The following WDR7 variants were observed in gnomAD, a reference collection of about 807,000 sequenced individuals.
WDR7 encodes WD repeat domain 7.
Under a neutral mutation model 169.4 loss-of-function variants are expected in WDR7, and 46 were observed. The observed-to-expected ratio is 0.27, with a 90% CI of 0.21 to 0.35. The LOEUF (loss-of-function observed/expected upper bound fraction) is 0.35. Among genes scored for constraint, WDR7 ranks in the 10% least tolerant of loss-of-function variants. WDR7 has a pLI of 1.00. For missense variants in WDR7, 1,534 were observed against 1,859.3 expected, an observed-to-expected ratio of 0.83 and a Z score of 3.22; for synonymous variants, 612 against 666.8, an observed-to-expected ratio of 0.92 and a Z score of 1.27.
chr18:56,939,069 C>T (rs1426576189), intron 24 of WDR7, among the ~76,000 whole-genome samples: 1 of 151,994 alleles, frequency 6.6e-6, no homozygotes, highest in Non-Finnish European at 1.5e-5. Flanking sequence ...TATGAATTGA[C>T]TTTAAACTAA....
At chr18:56,794,327 T>TTTTTTTTTTTTTTTA (rs1491121428) in intron 19 of WDR7, among the ~76,000 whole-genome samples, 2 of 118,020 alleles carry the variant, frequency 1.7e-5, no homozygotes, top group African/African-American at 6.3e-5. Context: ...TTTTTTTTTT[T>TTTTTTTTTTTTTTTA]GAGACAGAGT....
chr18:56,850,946 C>T (rs1354081636), intron 20 of WDR7, among the ~76,000 whole-genome samples: 1 of 152,156 alleles, frequency 6.6e-6, no homozygotes, highest in Non-Finnish European at 1.5e-5. Flanking sequence ...CTCACTGCTC[C>T]CAAATCTAGT....
chr18:56,823,311 C>T (rs2045134009), intron 20 of WDR7, among the ~76,000 whole-genome samples: 1 of 152,276 alleles, frequency 6.6e-6, no homozygotes, highest in Non-Finnish European at 1.5e-5. Context: ...AGTTCGGTGG[C>T]TAGTGCCTGT....
intron 21 of WDR7, among the ~76,000 whole-genome samples, chr18:56,916,701 A>G (rs2046631839): frequency 6.6e-6 from 1 of 152,198 alleles, no homozygotes; most frequent in African/African-American, 2.4e-5. Flanking sequence ...TAAAGGTGTG[A>G]GGCACCTCTG....
At chr18:56,983,568 CACAGAGAGAG>C (rs59555787) in intron 26 of WDR7, among the ~76,000 whole-genome samples, 74,132 of 145,200 alleles carry the variant, frequency 0.51, 18,938 homozygotes, top group Middle Eastern at 0.64. Flanking sequence ...CACACACACA[CACAGAGAGAG>C]AGAGAGAGAG....
At chr18:56,719,436 C>T (rs1396081163) in intron 13 of WDR7, among the ~76,000 whole-genome samples, 1 of 151,984 alleles carries the variant, frequency 6.6e-6, no homozygotes, top group Non-Finnish European at 1.5e-5. Context: ...TTGGCGGGCG[C>T]CTGTAGTCCC....
chr18:56,878,316 G>A (rs1304677650), intron 20 of WDR7, among the ~76,000 whole-genome samples: 1 of 152,122 alleles, frequency 6.6e-6, no homozygotes, highest in African/African-American at 2.4e-5. Flanking sequence ...TGCCATACTG[G>A]ATGAAATAAT....
chr18:56,836,113 T>C lies in WDR7; in HGVS notation c.3304+19969T>C, dbSNP rs147140952. Among the ~76,000 whole-genome samples the C allele has an allele frequency of 3.3e-5, 5 of 152,356 alleles. No homozygotes were observed. In the East Asian group the frequency reaches 9.6e-4, roughly 29 times the overall value. On this transcript the variant is annotated intron_variant, in intron 20 of 27. Transcript: ENST00000254442. ...TCATGTACAAAGTAGTCATGTAAACTATTTACAATGTTTTGTTGAGTGGTT... is the reference window on the plus strand; with the variant it reads ...TCATGTACAAAGTAGTCATGTAAACCATTTACAATGTTTTGTTGAGTGGTT...
intron 20 of WDR7, among the ~76,000 whole-genome samples, chr18:56,841,155 C>T (rs1219788840): frequency 3.3e-5 from 5 of 151,024 alleles, no homozygotes; most frequent in Admixed American, 6.6e-5. Flanking sequence ...ATCGCACCAC[C>T]GCACTCCAGC....
intron 14 of WDR7, among the ~76,000 whole-genome samples, chr18:56,746,297 C>G (rs1489655235): frequency 7.9e-5 from 12 of 152,146 alleles, no homozygotes; most frequent in South Asian, 4.1e-4. Flanking sequence ...ATTACATTCA[C>G]ACCTCAATCA....
At chr18:56,983,182 A>G (rs535641876) in intron 26 of WDR7, among the ~76,000 whole-genome samples, 1 of 152,230 alleles carries the variant, frequency 6.6e-6, no homozygotes, top group African/African-American at 2.4e-5. Flanking sequence ...TTCATTTCGG[A>G]CTTGTCATTG....
intron 19 of WDR7, among the ~76,000 whole-genome samples, chr18:56,802,389 C>T (rs1422097752): frequency 6.6e-6 from 1 of 151,678 alleles, no homozygotes; most frequent in Non-Finnish European, 1.5e-5. Context: ...TGAGAGTCTC[C>T]CTCTGTTGCC....
chr18:56,894,393 C>A (rs1483502518), intron 21 of WDR7, among the ~76,000 whole-genome samples: 1 of 151,722 alleles, frequency 6.6e-6, no homozygotes, highest in East Asian at 2.0e-4. Flanking sequence ...CTCCAGTGCC[C>A]TGGCTGCTTC....
chr18:56,976,062 G>A (rs572393756), intron 26 of WDR7, among the ~76,000 whole-genome samples: 1 of 152,242 alleles, frequency 6.6e-6, no homozygotes, highest in South Asian at 2.1e-4. Flanking sequence ...TCGGTGTGCT[G>A]TCCACACCGT....
At chr18:56,949,717 A>G (rs911720215) in intron 25 of WDR7, among the ~76,000 whole-genome samples, 1 of 152,194 alleles carries the variant, frequency 6.6e-6, no homozygotes. Context: ...TATTAAATCC[A>G]CCAGTGTATC....
rs1309317645 is a variant in WDR7, at chr18:56,785,080, GT to G, written c.3190+3425del. Among the ~76,000 whole-genome samples the G allele has an allele frequency of 2.6e-5, 4 of 152,242 alleles. 1 individual carries two copies. In the East Asian group the frequency reaches 7.7e-4, roughly 29 times the overall value. On this transcript the variant is annotated intron_variant, in intron 19 of 27. Coordinates refer to ENST00000254442, the MANE Select transcript of WDR7 (RefSeq NM_015285.3). Reference sequence around the variant, plus strand: ...GTGAGCTTTCTATTTTAATAAAAGGGTGTCAGGCTAAGGGAGTAGGGATTCT... The same window carrying G: ...GTGAGCTTTCTATTTTAATAAAAGGGGTCAGGCTAAGGGAGTAGGGATTCT...
chr18:56,659,018 C>G (rs1299558671), intron 1 of WDR7, among the ~76,000 whole-genome samples: 1 of 152,124 alleles, frequency 6.6e-6, no homozygotes, highest in Admixed American at 6.5e-5. Flanking sequence ...GCCCGGCCCC[C>G]TGTACTTACT....
At chr18:56,975,857 T>A (rs1291797881) in intron 26 of WDR7, among the ~76,000 whole-genome samples, 1 of 152,174 alleles carries the variant, frequency 6.6e-6, no homozygotes, top group South Asian at 2.1e-4. Flanking sequence ...TTGCCTGGTC[T>A]TCAGATTTTT....
intron 26 of WDR7, among the ~76,000 whole-genome samples, chr18:57,011,242 A>G (rs2048132557): frequency 6.6e-6 from 1 of 152,236 alleles, no homozygotes; most frequent in Admixed American, 6.5e-5. Context: ...TACTTGCATC[A>G]TAAGGATTGT....
Sources: allele counts gnomAD v4.1 joint callset (sites outside exome capture counted in the v4.1 genomes callset), GRCh38; gene constraint gnomAD v4.1.1; transcripts MANE v1.5; gene names NCBI Gene and HGNC (gene_info 2026-07-23, HGNC 2026-07-21).